The following THEMIS variants were observed in gnomAD, a reference collection of about 807,000 sequenced individuals.
THEMIS encodes the protein thymocyte selection associated.
Under a neutral mutation model 52.6 loss-of-function variants are expected in THEMIS, and 37 were observed. That is an observed-to-expected ratio of 0.70 (90% CI 0.54 to 0.93). The LOEUF is 0.93. Ranked by LOEUF, THEMIS falls within the 40% of genes least tolerant of loss-of-function variation. The pLI, the probability that THEMIS is intolerant of heterozygous loss-of-function variation, is 0.00. For missense variants in THEMIS, 808 were observed against 763.1 expected (o/e 1.06, Z -0.69); for synonymous variants, 292 against 272.7 (o/e 1.07, Z -0.70).
intron 4 of THEMIS, among the ~76,000 whole-genome samples, chr6:127,742,635 AAGACATTATAGTAAG>A (rs1183175402): frequency 6.6e-6 from 1 of 152,180 alleles, no homozygotes; most frequent in African/African-American, 2.4e-5. Flanking sequence ...ATGAACCCTA[AAGACATTATAGTAAG>A]TGAAATACAC....
At chr6:127,875,411 C>A (rs1452241482) in intron 1 of THEMIS, among the ~76,000 whole-genome samples, 1 of 152,176 alleles carries the variant, frequency 6.6e-6, no homozygotes, top group Non-Finnish European at 1.5e-5. Flanking sequence ...CCCCAAACTG[C>A]AGAAAGCCAT....
chr6:127,816,333 A>C (rs1778133809), intron 3 of THEMIS, among the ~76,000 whole-genome samples: 1 of 152,086 alleles, frequency 6.6e-6, no homozygotes, highest in African/African-American at 2.4e-5. Context: ...TATCATCTTT[A>C]TGCTGATGAC....
chr6:127,837,448 A>G (rs1184079876), intron 2 of THEMIS, among the ~76,000 whole-genome samples: 6 of 152,038 alleles, frequency 3.9e-5, no homozygotes, highest in Non-Finnish European at 8.8e-5. Flanking sequence ...CATTTAATTT[A>G]TTTGATCCTC....
At chr6:127,915,787 G>C (rs1781512281) in intron 1 of THEMIS, among the ~76,000 whole-genome samples, 1 of 152,106 alleles carries the variant, frequency 6.6e-6, no homozygotes, top group Admixed American at 6.6e-5. Flanking sequence ...AGAAGTTCGA[G>C]ACCAGCCTGC....
intron 4 of THEMIS, among the ~76,000 whole-genome samples, chr6:127,774,094 C>T (rs1486655587): frequency 6.6e-6 from 1 of 152,244 alleles, no homozygotes; most frequent in Non-Finnish European, 1.5e-5. Flanking sequence ...GCTGTGACAA[C>T]TGCATCTCCA....
intron 4 of THEMIS, among the ~76,000 whole-genome samples, chr6:127,726,328 C>A (rs560485159): frequency 6.6e-6 from 1 of 152,086 alleles, no homozygotes; most frequent in Non-Finnish European, 1.5e-5. Flanking sequence ...GAGAAGACAG[C>A]ACCCCATCTC....
chr6:127,760,821 T>G (rs750089001), intron 4 of THEMIS, among the ~76,000 whole-genome samples: 9 of 151,962 alleles, frequency 5.9e-5, no homozygotes, highest in African/African-American at 1.9e-4. Flanking sequence ...TAGACATAAA[T>G]GTAAGAACTG....
At chr6:127,734,607 A>G (rs11751997) in intron 4 of THEMIS, among the ~76,000 whole-genome samples, 6,872 of 152,128 alleles carry the variant, frequency 0.045, 193 homozygotes, top group Non-Finnish European at 0.07. Flanking sequence ...GCTGTGGCTC[A>G]CGCCTGTAAT....
At chr6:127,769,647 T>C (rs1776312345) in intron 4 of THEMIS, among the ~76,000 whole-genome samples, 1 of 152,182 alleles carries the variant, frequency 6.6e-6, no homozygotes, top group South Asian at 2.1e-4. Context: ...TATATATTTA[T>C]ACTTTAAATT....
chr6:127,848,710 G>C (rs1005392614), intron 2 of THEMIS, among the ~76,000 whole-genome samples: 1 of 152,182 alleles, frequency 6.6e-6, no homozygotes, highest in South Asian at 2.1e-4. Flanking sequence ...TCTGTTGACT[G>C]CATAAATGTC....
intron 2 of THEMIS, among the ~76,000 whole-genome samples, chr6:127,847,733 G>A (rs145670344): frequency 1.3e-5 from 2 of 151,622 alleles, no homozygotes; most frequent in African/African-American, 4.8e-5. Context: ...AGGAATCTAC[G>A]GATTCAATGC....
intron 4 of THEMIS, among the ~76,000 whole-genome samples, chr6:127,772,431 G>T (rs912948367): frequency 1.3e-5 from 2 of 151,766 alleles, no homozygotes; most frequent in African/African-American, 4.8e-5. Context: ...TCTATTTATT[G>T]TATGTTTCTC....
chr6:127,916,576 A>G (rs1202899781), intron 1 of THEMIS, among the ~76,000 whole-genome samples: 1 of 152,342 alleles, frequency 6.6e-6, no homozygotes, highest in East Asian at 1.9e-4. Flanking sequence ...TTAAATGGGT[A>G]CAGTAAGACA....
At chr6:127,906,214 C>T (rs1583416139) in intron 1 of THEMIS, among the ~76,000 whole-genome samples, 1 of 151,302 alleles carries the variant, frequency 6.6e-6, no homozygotes, top group East Asian at 2.0e-4. Flanking sequence ...AAAGAAAGCT[C>T]ATGAAACTAC....
chr6:127,917,194 T>C (rs73580722), intron 1 of THEMIS, among the ~76,000 whole-genome samples: 292 of 152,262 alleles, frequency 1.9e-3, no homozygotes, highest in African/African-American at 6.6e-3. Flanking sequence ...GCAGAAAGAT[T>C]ACAAAATGGG....
chr6:127,702,076 T>C, the THEMIS span, among the ~76,000 whole-genome samples: 4 of 152,150 alleles, frequency 2.6e-5, no homozygotes, highest in African/African-American at 9.6e-5. Flanking sequence ...GATATCCTTT[T>C]ACCAAGAATT....
intron 1 of THEMIS, among the ~76,000 whole-genome samples, chr6:127,890,757 A>G (rs1377896446): frequency 6.6e-6 from 1 of 152,120 alleles, no homozygotes; most frequent in Non-Finnish European, 1.5e-5. Flanking sequence ...AATAGAATTA[A>G]CAGCTTTTGT....
chr6:127,864,639 G>T (rs142062860), intron 1 of THEMIS, among the ~76,000 whole-genome samples: 15 of 152,170 alleles, frequency 9.9e-5, no homozygotes, highest in African/African-American at 3.4e-4. Context: ...GGTCACTGTA[G>T]ATTATGACAA....
chr6:127,738,821 T>C (rs1342926164), intron 4 of THEMIS, among the ~76,000 whole-genome samples: 1 of 152,200 alleles, frequency 6.6e-6, no homozygotes, highest in Non-Finnish European at 1.5e-5. Context: ...ATGCCTGGAA[T>C]ATATATAAAT....
Sources: allele counts gnomAD v4.1 joint callset (sites outside exome capture counted in the v4.1 genomes callset), GRCh38; gene constraint gnomAD v4.1.1; transcripts MANE v1.5; gene names NCBI Gene and HGNC (gene_info 2026-07-23, HGNC 2026-07-21).